The following KCND3 variants were observed in gnomAD, a reference collection of about 807,000 sequenced individuals.
KCND3 encodes potassium voltage-gated channel subfamily D member 3.
A neutral mutation model predicts 51.1 loss-of-function variants in KCND3; 9 were observed. The observed-to-expected ratio is 0.18, with a 90% CI of 0.11 to 0.31. The LOEUF (loss-of-function observed/expected upper bound fraction) is 0.31, where lower values mean the gene tolerates loss of function less well. Ranked by LOEUF, KCND3 falls within the 10% of genes least tolerant of loss-of-function variation. KCND3 has a pLI of 1.00. For missense variants in KCND3, 526 were observed against 903.8 expected (o/e 0.58, Z 5.36); for synonymous variants, 349 against 368.0 (o/e 0.95, Z 0.59).
rs116552287 is a variant in KCND3 at position 111,930,908 on chromosome 1, C to T, written c.1106+50713G>A. 5.9e-3 allele frequency among the ~76,000 whole-genome samples: 906 copies of T among 152,280 alleles called. 12 individuals are homozygous for T. Among genetic ancestry groups the T allele is most frequent in the African/African-American group, 0.021 (863 of 41,548 alleles). ...TCAGTTCTGCAGGTGAAAAAGGTTGCGATGCTACAAGGTCATTCTGTTTTA... is the reference window on the plus strand; with the variant it reads ...TCAGTTCTGCAGGTGAAAAAGGTTGTGATGCTACAAGGTCATTCTGTTTTA... On this transcript the variant is annotated intron_variant, in intron 2 of 7. Transcript: ENST00000302127.
chr1:111,859,152 A>G (rs1257606072), intron 2 of KCND3, among the ~76,000 whole-genome samples: 1 of 152,196 alleles, frequency 6.6e-6, no homozygotes, highest in Non-Finnish European at 1.5e-5. Context: ...TAGAAGATTG[A>G]AACTCTCTAG....
At position 111,872,352 on chromosome 1, in the gene KCND3, A is replaced by G. The variant is rs1668860886; in HGVS notation, c.1107-85246T>C. Among the ~76,000 whole-genome samples, 3 of 152,244 alleles carry G rather than the reference A, an allele frequency of 2.0e-5. 1 individual carries two copies. In the South Asian group the frequency reaches 6.2e-4, roughly 31 times the overall value. On this transcript the variant is annotated intron_variant, in intron 2 of 7. Transcript: ENST00000302127. The stretch of plus-strand genomic sequence containing the variant: ...TTCCCTTCTAGGAATGCACATTATT[A>G]GTATCTTTAAAGACAGAGAAGCCCT...
chr1:111,805,221 A>AG (rs1293801330), intron 2 of KCND3, among the ~76,000 whole-genome samples: 1 of 145,486 alleles, frequency 6.9e-6, no homozygotes, highest in African/African-American at 2.8e-5. Flanking sequence ...CAACCCCAAC[A>AG]GGGGGAAAAA....
chr1:111,983,022 TTGCTGAC>T (rs1241168816), intron 1 of KCND3, among the ~76,000 whole-genome samples: 2 of 152,128 alleles, frequency 1.3e-5, no homozygotes, highest in African/African-American at 2.4e-5. Flanking sequence ...TCGCCAGATG[TTGCTGAC>T]TGCCTGACAA....
At chr1:111,962,295 C>A (rs926641470) in intron 2 of KCND3, among the ~76,000 whole-genome samples, 1 of 152,160 alleles carries the variant, frequency 6.6e-6, no homozygotes, top group Non-Finnish European at 1.5e-5. Context: ...TCTTATTAAC[C>A]CACACTCTCC....
At chr1:111,970,415 A>G (rs74109791) in intron 2 of KCND3, among the ~76,000 whole-genome samples, 3,536 of 152,284 alleles carry the variant, frequency 0.023, 122 homozygotes, top group African/African-American at 0.081. Context: ...CAGACCCACA[A>G]CATTTGTTGA....
At chr1:111,837,967 C>T (rs189937486) in intron 2 of KCND3, among the ~76,000 whole-genome samples, 105 of 152,214 alleles carry the variant, frequency 6.9e-4, no homozygotes, top group Admixed American at 1.6e-3. Flanking sequence ...ACAGAGGTGC[C>T]GTTCTCATCA....
chr1:111,891,157 C>T (rs1669802779), intron 2 of KCND3, among the ~76,000 whole-genome samples: 1 of 152,132 alleles, frequency 6.6e-6, no homozygotes, highest in Non-Finnish European at 1.5e-5. Context: ...CCACCTACTT[C>T]ATAGGGTTGT....
chr1:111,899,494 G>A (rs1229222667), intron 2 of KCND3, among the ~76,000 whole-genome samples: 3 of 152,210 alleles, frequency 2.0e-5, no homozygotes, highest in Non-Finnish European at 2.9e-5. Flanking sequence ...GGTGATGGAA[G>A]TGATATGTCT....
At chr1:111,787,184 C>T in intron 2 of KCND3, 78 bp from the exon 3 acceptor site, 1 of 1,418,632 alleles carries the variant, frequency 7.0e-7, no homozygotes, top group Middle Eastern at 1.9e-4. Context: ...GCCAATCATT[C>T]ACCTGTTTAT....
chr1:111,931,138 G>A (rs957137655), intron 2 of KCND3, among the ~76,000 whole-genome samples: 1 of 152,192 alleles, frequency 6.6e-6, no homozygotes, highest in African/African-American at 2.4e-5. Context: ...AAAGCACACA[G>A]GCATCTTGCT....
chr1:111,877,681 A>T (rs952214485), intron 2 of KCND3, among the ~76,000 whole-genome samples: 4 of 152,224 alleles, frequency 2.6e-5, no homozygotes, highest in African/African-American at 9.6e-5. Context: ...TATTATTCCC[A>T]CATCCACCTG....
intron 2 of KCND3, among the ~76,000 whole-genome samples, chr1:111,840,166 C>T (rs898024590): frequency 6.6e-5 from 10 of 152,112 alleles, no homozygotes; most frequent in African/African-American, 1.9e-4. Context: ...ATTCATGAGA[C>T]GTCTGCAGTT....
rs559046950 is a variant in KCND3, at chr1:111,904,892, G to C, written c.1106+76729C>G. 4.0e-4 allele frequency among the ~76,000 whole-genome samples: 61 copies of C among 152,300 alleles called. No homozygotes were observed. The South Asian group carries it at 5.0e-3, about 12-fold the overall frequency. On this transcript the variant is annotated intron_variant, in intron 2 of 7. Coordinates refer to ENST00000302127, the MANE Select transcript of KCND3 (RefSeq NM_001378969.1). ...TGCACTTGGGCCACCACCCTCGGGG[G>C]CTCCCAGCTGGCCAAGCAGGGATCA...
chr1:111,982,444 G>T lies in KCND3; in HGVS notation c.283C>A (p.Leu95Ile), dbSNP rs1675009804. 5 of 1,613,808 alleles carry T rather than the reference G, an allele frequency of 3.1e-6. No homozygotes were observed. In the East Asian group the frequency reaches 1.1e-4, roughly 36 times the overall value. ...AGCTTCCCCGTGCGGTAGAAGTTGAGCACGCAGCGGAACACCTCGGGGTCC... is the reference window on the plus strand; with the variant it reads ...AGCTTCCCCGTGCGGTAGAAGTTGATCACGCAGCGGAACACCTCGGGGTCC... ...DRDPEVFRCV[L>I]NFYRTGKLHY... The change falls in exon 2 of 8, where the codon CTC becomes ATC. Residue 95 changes from leucine to isoleucine, a missense_variant. Leu to Ile is a conservative substitution (Grantham distance 5, BLOSUM62 2). Coordinates refer to ENST00000302127, the MANE Select transcript of KCND3 (RefSeq NM_001378969.1). This position sits in a 1 kb window ranked among gnomAD's most constrained non-coding sequence, Gnocchi z 8.5.
chr1:111,924,663 A>T (rs1171921097), intron 2 of KCND3, among the ~76,000 whole-genome samples: 1 of 152,164 alleles, frequency 6.6e-6, no homozygotes, highest in African/African-American at 2.4e-5. Flanking sequence ...GGATGGTCTT[A>T]GTTTAGGAGG....
At chr1:111,971,104 A>C (rs1674302932) in intron 2 of KCND3, among the ~76,000 whole-genome samples, 1 of 152,202 alleles carries the variant, frequency 6.6e-6, no homozygotes, top group African/African-American at 2.4e-5. Context: ...TCACCCACGA[A>C]GGTAGTACCA....
At chr1:111,945,564 C>T (rs191883657) in intron 2 of KCND3, among the ~76,000 whole-genome samples, 1 of 152,340 alleles carries the variant, frequency 6.6e-6, no homozygotes, top group African/African-American at 2.4e-5. Context: ...GGCAGCTGCT[C>T]TCACTGGCCC....
chr1:111,835,851 T>C (rs1402228445), intron 2 of KCND3, among the ~76,000 whole-genome samples: 1 of 152,196 alleles, frequency 6.6e-6, no homozygotes, highest in Non-Finnish European at 1.5e-5. Flanking sequence ...AGCCATTCTT[T>C]TATTCCTTTA....
Sources: gnomAD v4.1 joint callset for allele counts (sites outside exome capture counted in the v4.1 genomes callset) on GRCh38, gnomAD v4.1.1 for gene constraint, Gnocchi (gnomAD v3.1) non-coding constraint, MANE v1.5 for transcripts, NCBI Gene and HGNC (gene_info 2026-07-23, HGNC 2026-07-21) for gene names.